Variants in IGBP1C observed in about 807,000 individuals in gnomAD.
The protein encoded by IGBP1C is IGBP1 family member C, also known as immunoglobulin-binding protein 1 family member C.
chr17:58,685,036 T>C, the IGBP1C span, among the ~76,000 whole-genome samples: 1 of 152,166 alleles, frequency 6.6e-6, no homozygotes, highest in African/African-American at 2.4e-5. Context: ...TAAAAAAGAT[T>C]CAAATGTAGA....
At chr17:58,683,989 CGA>C in the IGBP1C span, among the ~76,000 whole-genome samples, 2 of 151,882 alleles carry the variant, frequency 1.3e-5, no homozygotes, top group East Asian at 3.9e-4. Context: ...TGCTTGAACC[CGA>C]GAGACGGAGG....
the IGBP1C span, among the ~76,000 whole-genome samples, chr17:58,671,463 G>A: frequency 6.6e-6 from 1 of 152,242 alleles, no homozygotes; most frequent in Non-Finnish European, 1.5e-5. Flanking sequence ...TTCTCTTGGG[G>A]AGGGGGCATT....
At chr17:58,684,278 A>T in the IGBP1C span, among the ~76,000 whole-genome samples, 3 of 151,852 alleles carry the variant, frequency 2.0e-5, no homozygotes, top group Non-Finnish European at 4.4e-5. Context: ...CCTGACCAAT[A>T]TGATGAAACC....
chr17:58,690,649 C>T, the IGBP1C span, among the ~76,000 whole-genome samples: 4 of 152,282 alleles, frequency 2.6e-5, no homozygotes, highest in South Asian at 6.2e-4. Flanking sequence ...AGTATTTATG[C>T]ATCCACTGAG....
the IGBP1C span, among the ~76,000 whole-genome samples, chr17:58,691,279 GT>G: frequency 6.6e-6 from 1 of 152,110 alleles, no homozygotes; most frequent in African/African-American, 2.4e-5. Context: ...CTCAACATAC[GT>G]TGTTTCCTTT....
the IGBP1C span, among the ~76,000 whole-genome samples, chr17:58,674,419 T>C: frequency 6.6e-6 from 1 of 152,050 alleles, no homozygotes; most frequent in East Asian, 1.9e-4. Context: ...CCTGTAATCC[T>C]AGCACTACAG....
chr17:58,667,891 TAA>T, the IGBP1C span, among the ~76,000 whole-genome samples: 55 of 102,714 alleles, frequency 5.4e-4, no homozygotes, highest in Admixed American at 6.2e-4. Flanking sequence ...AGACTCTGGC[TAA>T]AAAAAAAAAA....
the IGBP1C span, among the ~76,000 whole-genome samples, chr17:58,690,787 A>C: frequency 2.0e-5 from 3 of 152,182 alleles, no homozygotes; most frequent in African/African-American, 7.2e-5. Flanking sequence ...TCTCCCCGCC[A>C]GTAGGGACTC....
chr17:58,682,887 C>T, the IGBP1C span, among the ~76,000 whole-genome samples: 1 of 151,966 alleles, frequency 6.6e-6, no homozygotes, highest in East Asian at 1.9e-4. Context: ...TCCTGCATAC[C>T]TTAATATCCT....
chr17:58,689,892 C>G, the IGBP1C span, among the ~76,000 whole-genome samples: 1 of 150,766 alleles, frequency 6.6e-6, no homozygotes, highest in African/African-American at 2.4e-5. Context: ...CTCTGTCGCC[C>G]AGGCTGGAAT....
At chr17:58,680,754 C>A in the IGBP1C span, among the ~76,000 whole-genome samples, 3 of 151,794 alleles carry the variant, frequency 2.0e-5, no homozygotes, top group Admixed American at 6.6e-5. Flanking sequence ...CCCACAAAAA[C>A]CAAAAAAACA....
At chr17:58,681,451 T>C in the IGBP1C span, among the ~76,000 whole-genome samples, 5 of 152,112 alleles carry the variant, frequency 3.3e-5, no homozygotes, top group Non-Finnish European at 7.3e-5. Context: ...TATACTTTCC[T>C]TTTCAAAGAA....
chr17:58,683,656 G>A, the IGBP1C span, among the ~76,000 whole-genome samples: 82 of 151,090 alleles, frequency 5.4e-4, no homozygotes, highest in African/African-American at 1.9e-3. Context: ...CCAGCTACTC[G>A]GGAGGCTGAG....
the IGBP1C span, among the ~76,000 whole-genome samples, chr17:58,670,771 TTAAA>T: frequency 2.5e-4 from 2 of 7,956 alleles, no homozygotes; most frequent in Non-Finnish European, 2.3e-4. Context: ...AGACTCCCTC[TTAAA>T]AAAAAAAAAA....
At chr17:58,661,721 G>A in the IGBP1C span, 1 of 575,062 alleles carries the variant, frequency 1.7e-6, no homozygotes, top group Non-Finnish European at 3.1e-6. Flanking sequence ...TCAGGGAGGC[G>A]GTGGCGTTGG....
chr17:58,662,375 A>C, the IGBP1C span, among the ~76,000 whole-genome samples: 1 of 150,986 alleles, frequency 6.6e-6, no homozygotes, highest in Admixed American at 6.6e-5. Context: ...GCTTGTACAT[A>C]ATACATATTA....
At chr17:58,667,082 A>C in the IGBP1C span, among the ~76,000 whole-genome samples, 1 of 152,212 alleles carries the variant, frequency 6.6e-6, no homozygotes, top group Admixed American at 6.5e-5. Context: ...GGCGTAGCCT[A>C]AGGCCTTCGG....
chr17:58,673,787 G>A, the IGBP1C span, among the ~76,000 whole-genome samples: 1 of 151,708 alleles, frequency 6.6e-6, no homozygotes, highest in Non-Finnish European at 1.5e-5. Context: ...TGCCCAGCTT[G>A]GTCTCAAACT....
the IGBP1C span, among the ~76,000 whole-genome samples, chr17:58,676,299 C>T: frequency 6.6e-6 from 1 of 151,890 alleles, no homozygotes; most frequent in Non-Finnish European, 1.5e-5. Flanking sequence ...TCACTTGAAC[C>T]CTGGGGGCAG....
Sources: allele counts gnomAD v4.1 joint callset (sites outside exome capture counted in the v4.1 genomes callset), GRCh38; gene constraint gnomAD v4.1.1; transcripts MANE v1.5; gene names NCBI Gene and HGNC (gene_info 2026-07-23, HGNC 2026-07-21).